COL27A1: variants seen among roughly 807,000 people sequenced by gnomAD.
The protein encoded by COL27A1 is collagen type XXVII alpha 1 chain.
In COL27A1, 106 loss-of-function variants were observed where a neutral mutation model predicts 251.3. The observed-to-expected ratio is 0.42, with a 90% CI of 0.36 to 0.50. The LOEUF (loss-of-function observed/expected upper bound fraction) is 0.50. Ranked by LOEUF, COL27A1 falls within the 20% of genes least tolerant of loss-of-function variation. COL27A1 has a pLI of 0.00. For synonymous variants in COL27A1, 1,000 were observed against 986.3 expected (o/e 1.01, Z -0.26); for missense variants, 2,325 against 2,522.8 (o/e 0.92, Z 1.68).
At position 114,284,915 on chromosome 9, in the gene COL27A1, G is replaced by T. The variant is rs1312765739; in HGVS notation, c.3987+138G>T. The T allele has an allele frequency of 6.7e-6, 6 of 891,050 alleles. No homozygotes were observed. In the East Asian group the frequency reaches 1.3e-4, roughly 19 times the overall value. The allele number at this position is 891,050 out of a possible 1,614,324, so 55.2% of individuals were successfully genotyped here. On this transcript the variant is annotated intron_variant, in intron 41 of 60. Transcript: ENST00000356083. ...GGGCTCACCCCCTGCAGCAGCCGAGGCTGGTGTCACTGCCACTGTGCCCAG... is the reference window on the plus strand; with the variant it reads ...GGGCTCACCCCCTGCAGCAGCCGAGTCTGGTGTCACTGCCACTGTGCCCAG...
chr9:114,270,852 T>A (rs1671856518), intron 36 of COL27A1, 71 bp downstream of exon 36: 2 of 1,152,808 alleles, frequency 1.7e-6, no homozygotes, highest in Admixed American at 3.8e-5. Context: ...GACCTAAGTC[T>A]CCTCCCAGAA....
In COL27A1 at chr9:114,291,624, C is replaced by T. The variant is rs554556543; in HGVS notation, c.4477-479C>T. Among the ~76,000 whole-genome samples the T allele has an allele frequency of 2.0e-5, 3 of 152,214 alleles. 1 individual carries two copies. In the South Asian group the frequency reaches 6.2e-4, roughly 32 times the overall value. ...ATTAGCTGGGCATGGTGGCAGGCAC[C>T]TGTAGTCCCAGCCACTCGGGAGGCC... On this transcript the variant is annotated intron_variant, in intron 48 of 60. Transcript: ENST00000356083.
At position 114,284,776 on chromosome 9, in the gene COL27A1, A is replaced by C; in HGVS notation, c.3986A>C (p.Lys1329Thr). ...GGACCTCCTGGACCAAAAGGCGAAA[A>C]GGTGGGTGTTTGCTCTGGGGAAAGC... ...PLGPPGPKGE[K>T]GEQGEDGKAE... is the part of the protein sequence containing the mutation. The change falls in exon 41 of 61, where the codon AAG (lysine) becomes ACG (threonine). Residue 1329 changes from lysine (K) to threonine (T), a missense_variant and splice_region_variant. Transcript: ENST00000356083. The C allele has an allele frequency of 6.2e-7, 1 of 1,614,146 alleles. No homozygotes were observed. The highest frequency in any genetic ancestry group is 8.5e-7 in the Non-Finnish European group (1 of 1,180,004).
intron 16 of COL27A1, among the ~76,000 whole-genome samples, chr9:114,232,811 G>A (rs1252629105): frequency 2.0e-5 from 3 of 152,212 alleles, no homozygotes; most frequent in Non-Finnish European, 4.4e-5. Flanking sequence ...AGTGGCTCAT[G>A]CCTATAATCC....
Position 114,311,893 on chromosome 9 carries a change from G to A in COL27A1, c.*1198G>A, listed in dbSNP as rs1749086323. On this transcript the variant is annotated 3_prime_UTR_variant, in exon 61 of 61. Transcript: ENST00000356083. ...TCTTCCGAGGTCCTCACTTCCAGGA[G>A]CCTGTCCTTGCAAGATGCAATCATC... The A allele has an allele frequency of 6.6e-6, 1 of 152,244 alleles. No individual in the cohort carries two copies. The highest frequency in any genetic ancestry group is 2.4e-5 in the African/African-American group (1 of 41,460). 9.4% of individuals were successfully genotyped at this position (152,244 alleles called of 1,614,324 possible). A position where few individuals can be genotyped will look rare whatever the true frequency, so the allele number is the denominator to read the frequency against.
At chr9:114,304,240 G>A (rs1434950393) in intron 56 of COL27A1, among the ~76,000 whole-genome samples, 1 of 152,252 alleles carries the variant, frequency 6.6e-6, no homozygotes, top group Non-Finnish European at 1.5e-5. Flanking sequence ...CATGTGCAAA[G>A]GCCCCATGGC....
At chr9:114,216,565 G>A (rs1830727760) in intron 12 of COL27A1, among the ~76,000 whole-genome samples, 1 of 152,208 alleles carries the variant, frequency 6.6e-6, no homozygotes, top group Non-Finnish European at 1.5e-5. Context: ...TCTTGGGTGT[G>A]TTCTGGGCTG....
chr9:114,248,844 C>A (rs1227123834), intron 24 of COL27A1, among the ~76,000 whole-genome samples: 1 of 152,232 alleles, frequency 6.6e-6, no homozygotes, highest in African/African-American at 2.4e-5. Context: ...CTGGGCCAGT[C>A]AGGCAGGGGC....
intron 27 of COL27A1, among the ~76,000 whole-genome samples, chr9:114,257,165 C>T (rs772023704): frequency 1.3e-5 from 2 of 152,184 alleles, no homozygotes; most frequent in Admixed American, 6.5e-5. Flanking sequence ...GTCAAGAGTT[C>T]GCTCTGAGGC....
rs1829390263 is a variant in COL27A1, at chr9:114,310,722, C to T, written c.*27C>T. ...CTCTGACCTCGTGGCCACTCTAGGC[C>T]TCACGGAGGAGGGAAGAGGAAGAGG... On this transcript the variant is annotated 3_prime_UTR_variant, in exon 61 of 61. Transcript: ENST00000356083. 1.9e-6 allele frequency: 3 copies of T among 1,612,872 alleles called. No individual in the cohort carries two copies. In the African/African-American group the frequency reaches 4.0e-5, roughly 22 times the overall value.
chr9:114,301,195 A>G (rs1828600860), intron 52 of COL27A1, 70 bp downstream of exon 52: 1 of 1,609,244 alleles, frequency 6.2e-7, no homozygotes, highest in Admixed American at 1.7e-5. Flanking sequence ...TGTCTCTGTG[A>G]CTCAGTGCCA....
chr9:114,178,005 AAAG>A (rs1276086166), intron 3 of COL27A1, among the ~76,000 whole-genome samples: 6 of 152,220 alleles, frequency 3.9e-5, no homozygotes, highest in African/African-American at 1.4e-4. Flanking sequence ...AAATAGAGGA[AAAG>A]AAGGGACTTT....
intron 23 of COL27A1, among the ~76,000 whole-genome samples, chr9:114,243,925 ATT>A (rs397894289): frequency 2.5e-5 from 2 of 78,760 alleles, no homozygotes. Flanking sequence ...TTTTTCTTTC[ATT>A]TTTTTTTTTT....
At chr9:114,306,368 C>T (rs1240684138) in intron 57 of COL27A1, 152 bp from the exon 58 acceptor site, 2 of 696,904 alleles carry the variant, frequency 2.9e-6, no homozygotes, top group Non-Finnish European at 4.7e-6. Flanking sequence ...GTTTTCTTGT[C>T]TGCAAAATAA....
At position 114,205,947 on chromosome 9, in the gene COL27A1, T is replaced by G; in HGVS notation, c.2223+135T>G. The G allele has an allele frequency of 3.8e-6, 3 of 779,770 alleles. No individual in the cohort carries two copies. In the South Asian group the frequency reaches 5.3e-5, roughly 14 times the overall value. The allele number at this position is 779,770 out of a possible 1,614,324, so 48.3% of individuals were successfully genotyped here. On this transcript the variant is annotated intron_variant, in intron 9 of 60. Transcript: ENST00000356083. ...CTGGGTGGACCCTAAGGAGGGGGCT[T>G]TCCAGGGGACTGGACCAAGGAAGCC...
intron 16 of COL27A1, among the ~76,000 whole-genome samples, chr9:114,232,387 A>G (rs1000725895): frequency 5.3e-5 from 8 of 152,084 alleles, no homozygotes; most frequent in Non-Finnish European, 1.2e-4. Context: ...AGCTCTCCCT[A>G]TCTCACCCTG....
At chr9:114,257,438 C>G (rs1368722490) in intron 27 of COL27A1, among the ~76,000 whole-genome samples, 1 of 152,164 alleles carries the variant, frequency 6.6e-6, no homozygotes, top group Admixed American at 6.5e-5. Flanking sequence ...CGTTCCCACC[C>G]TCTGCCCTCT....
Position 114,288,753 on chromosome 9 carries a change from C to T in COL27A1, c.4096C>T (p.Pro1366Ser), listed in dbSNP as rs1438657658. Residue 1366 changes from proline to serine, a missense_variant and splice_region_variant, in exon 43 of 61, where the codon CCT becomes TCT. Physicochemically the swap from Pro to Ser is moderately conservative, Grantham distance 74 (BLOSUM62 -1). Coordinates refer to ENST00000356083, the MANE Select transcript of COL27A1 (RefSeq NM_032888.4). ...DRGEPGDPGY[P>S]GQEGVQGLRG... ...CGGGGAACCGGGAGACCCTGGGTAC[C>T]CTGTAAGTATCAGAGCTCCTACCTG... 1 of 1,610,042 alleles carries T rather than the reference C, an allele frequency of 6.2e-7. No individual in the cohort carries two copies. The highest frequency in any genetic ancestry group is 8.5e-7 in the Non-Finnish European group (1 of 1,176,918).
chr9:114,282,138 AT>A, intron 37 of COL27A1, 138 bp from the exon 38 acceptor site: 1 of 703,694 alleles, frequency 1.4e-6, no homozygotes, highest in Admixed American at 2.3e-5. Context: ...GCTCAAGGTC[AT>A]GTGGGTACTG....
Sources: gnomAD v4.1 joint callset for allele counts (sites outside exome capture counted in the v4.1 genomes callset) on GRCh38, gnomAD v4.1.1 for gene constraint, MANE v1.5 for transcripts, NCBI Gene and HGNC (gene_info 2026-07-23, HGNC 2026-07-21) for gene names.